The following ZNF426 variants were observed in gnomAD, a reference collection of about 807,000 sequenced individuals.
ZNF426 encodes CTC-543D15.7.
ZNF426 carries 23 observed loss-of-function variants against 24.0 expected under a neutral mutation model. The ratio of observed to expected loss-of-function variants is 0.96; its 90% confidence interval spans 0.69 to 1.36. ZNF426 has a LOEUF of 1.36. Among genes scored for constraint, ZNF426 ranks in the 40% most tolerant of loss-of-function variants. The probability of loss-of-function intolerance (pLI) is 0.00; values close to 1 mark genes in which losing one functional copy is unlikely to be tolerated. For missense variants in ZNF426, 646 were observed against 658.4 expected (o/e 0.98, Z 0.21); for synonymous variants, 272 against 224.6 (o/e 1.21, Z -1.89).
In ZNF426 at chr19:9,529,310, A is replaced by C. The variant is rs775476756; in HGVS notation, c.735T>G (p.Thr245=). ...ATTCGTAGAGTTTTTCTCCATTGTG[A>C]GTTCTCATATGTGCCTGAAGGTATG... ...NESYLQAHMR[T]HNGEKLYEWR... The change falls in exon 8 of 8, where the codon ACT becomes ACG. Residue 245 remains threonine (T), a synonymous_variant. Transcript: ENST00000253115. 4.3e-6 allele frequency: 7 copies of C among 1,614,064 alleles called. No individual in the cohort carries two copies. Among genetic ancestry groups the C allele is most frequent in the Non-Finnish European group, 5.9e-6 (7 of 1,180,006 alleles).
In ZNF426 at chr19:9,528,711, T is replaced by C. The variant is rs147654672; in HGVS notation, c.1334A>G (p.Gln445Arg). The C allele has an allele frequency of 3.1e-6, 5 of 1,614,220 alleles. No homozygotes were observed. The highest frequency in any genetic ancestry group is 4.2e-6 in the Non-Finnish European group (5 of 1,180,036). ...LNNHMRTHSAQKPYTCKECGK... is the reference protein window; with the variant it reads ...LNNHMRTHSARKPYTCKECGK... ...ACATTCCTTACAGGTGTATGGTTTC[T>C]GGGCACTGTGCGTTCGCATGTGATT... is the stretch of plus-strand genomic sequence containing the variant. The change falls in exon 8 of 8, where the codon CAG becomes CGG. Residue 445 changes from glutamine (Q) to arginine (R), a missense_variant. By Grantham distance (43) the Gln-to-Arg change is conservative (BLOSUM62 1). Coordinates refer to ENST00000253115, the MANE Select transcript of ZNF426 (RefSeq NM_024106.3).
chr19:9,528,680 C>T lies in ZNF426; in HGVS notation c.1365G>A (p.Lys455=). Residue 455 remains lysine, a synonymous_variant, in exon 8 of 8, where the codon AAG becomes AAA. Transcript: ENST00000253115. The part of the protein sequence containing the change: ...QKPYTCKECG[K]AFNYSTHLKI... Reference sequence around the variant, plus strand: ...TAAGGTGGGTGGAATAGTTAAAAGCCTTCCCACATTCCTTACAGGTGTATG... The same window carrying T: ...TAAGGTGGGTGGAATAGTTAAAAGCTTTCCCACATTCCTTACAGGTGTATG... The T allele has an allele frequency of 1.2e-6, 2 of 1,613,830 alleles. No individual in the cohort carries two copies. The highest frequency in any genetic ancestry group is 1.1e-5 in the South Asian group (1 of 91,068).
chr19:9,535,714 G>A (rs779179203), intron 3 of ZNF426, among the ~76,000 whole-genome samples: 6 of 151,956 alleles, frequency 3.9e-5, no homozygotes, highest in Non-Finnish European at 8.8e-5. Flanking sequence ...TGTGCCTGCA[G>A]TCCCAGGTAC....
In ZNF426 at chr19:9,528,196, C is replaced by T. The variant is rs1034705906; in HGVS notation, c.*184G>A. The T allele has an allele frequency of 3.0e-5, 18 of 593,340 alleles. No homozygotes were observed. The highest frequency in any genetic ancestry group is 2.8e-4 in the African/African-American group (15 of 53,478). 36.8% of individuals were successfully genotyped at this position (593,340 alleles called of 1,614,324 possible). ...AGAGACAAGGTTTCACCATGTTGGC[C>T]AGGGTGGTCTCAAACTCCTGACCTC... On this transcript the variant is annotated 3_prime_UTR_variant, in exon 8 of 8. Transcript: ENST00000253115.
At chr19:9,534,087 A>C (rs2073928866) in intron 4 of ZNF426, 121 bp from the exon 5 acceptor site, 1 of 1,378,316 alleles carries the variant, frequency 7.3e-7, no homozygotes, top group East Asian at 2.4e-5. Context: ...GACCAGCCCC[A>C]GGTTTTAAGG....
Position 9,528,656 on chromosome 19 carries a change from A to G in ZNF426, c.1389T>C (p.Leu463=). Reference sequence around the variant, plus strand: ...CAGTGTGGATTCGCATGTGAATTTTAAGGTGGGTGGAATAGTTAAAAGCCT... The same window carrying G: ...CAGTGTGGATTCGCATGTGAATTTTGAGGTGGGTGGAATAGTTAAAAGCCT... ...CGKAFNYSTH[L]KIHMRIHTGE... The change falls in exon 8 of 8, where the codon CTT becomes CTC. Residue 463 remains leucine (L), a synonymous_variant. Coordinates refer to ENST00000253115, the MANE Select transcript of ZNF426 (RefSeq NM_024106.3). 1 of 1,614,022 alleles carries G rather than the reference A, an allele frequency of 6.2e-7. No individual in the cohort carries two copies. The highest frequency in any genetic ancestry group is 2.2e-5 in the East Asian group (1 of 44,860).
Position 9,529,268 on chromosome 19 carries a change from T to G in ZNF426, c.777A>C (p.Pro259=). 2 of 1,613,868 alleles carry G rather than the reference T, an allele frequency of 1.2e-6. No individual in the cohort carries two copies. The highest frequency in any genetic ancestry group is 1.7e-6 in the Non-Finnish European group (2 of 1,179,930). The part of the protein sequence containing the change: ...EKLYEWRNYG[P]GFIDSTSLSV... ...AAAGGCTTGTAGAGTCAATAAAACC[T>G]GGCCCATAATTCCTCCATTCGTAGA... The change falls in exon 8 of 8, where the codon CCA becomes CCC. Residue 259 remains proline (P), a synonymous_variant. Coordinates refer to ENST00000253115, the MANE Select transcript of ZNF426 (RefSeq NM_024106.3).
rs2073780752 is a variant in ZNF426 at position 9,525,255 on chromosome 19, A to AATAAAC, written c.*3124_*3125insGTTTAT. The AATAAAC allele has an allele frequency of 7.0e-6, 1 of 143,136 alleles. No individual in the cohort carries two copies. The allele number at this position is 143,136 out of a possible 1,614,324, so 8.9% of individuals were successfully genotyped here. On this transcript the variant is annotated 3_prime_UTR_variant, in exon 8 of 8. Transcript: ENST00000253115. The stretch of plus-strand genomic sequence containing the variant: ...CAGAGCGAGACTCCGTCTCAAAAAA[A>AATAAAC]ATAAAAATAAAAATAAAAATAAAAA...
chr19:9,536,559 T>A (rs536067211), intron 2 of ZNF426: 4 of 332,960 alleles, frequency 1.2e-5, no homozygotes, highest in Middle Eastern at 8.5e-4. Context: ...TAAAAATAAG[T>A]AAACAAACAA....
At position 9,529,234 on chromosome 19, in the gene ZNF426, T is replaced by C. The variant is rs2073843493; in HGVS notation, c.811A>G (p.Ile271Val). 1 of 1,613,896 alleles carries C rather than the reference T, an allele frequency of 6.2e-7. No homozygotes were observed. The highest frequency in any genetic ancestry group is 1.1e-5 in the South Asian group (1 of 91,020). Reference protein sequence around the residue: ...FIDSTSLSVLIETLNAKKPYK... With the variant: ...FIDSTSLSVLVETLNAKKPYK... The stretch of plus-strand genomic sequence containing the variant: ...GGCTTTTTTGCATTGAGGGTTTCTA[T>C]AAGCACAGAAAGGCTTGTAGAGTCA... Residue 271 changes from isoleucine to valine, a missense_variant, in exon 8 of 8, where the codon ATA becomes GTA. Coordinates refer to ENST00000253115, the MANE Select transcript of ZNF426 (RefSeq NM_024106.3).
chr19:9,529,202 T>C lies in ZNF426; in HGVS notation c.843A>G (p.Lys281=). ...TATAGCCTTTTCCACATTCCTTACATTTGTAGGGCTTTTTTGCATTGAGGG... is the reference window on the plus strand; with the variant it reads ...TATAGCCTTTTCCACATTCCTTACACTTGTAGGGCTTTTTTGCATTGAGGG... ...IETLNAKKPY[K]CKECGKGYRY... Residue 281 remains lysine, a synonymous_variant, in exon 8 of 8, where the codon AAA becomes AAG. Coordinates refer to ENST00000253115, the MANE Select transcript of ZNF426 (RefSeq NM_024106.3). 2 of 1,614,144 alleles carry C rather than the reference T, an allele frequency of 1.2e-6. No individual in the cohort carries two copies. Among genetic ancestry groups the C allele is most frequent in the Middle Eastern group, 3.3e-4 (2 of 6,062 alleles).
intron 7 of ZNF426, among the ~76,000 whole-genome samples, chr19:9,529,918 C>G (rs538800791): frequency 1.3e-5 from 2 of 151,948 alleles, no homozygotes; most frequent in African/African-American, 4.8e-5. Flanking sequence ...GTCAGGAGTT[C>G]AAGACCAGCA....
chr19:9,530,959 T>G, intron 7 of ZNF426, 26 bp downstream of exon 7: 1 of 1,579,182 alleles, frequency 6.3e-7, no homozygotes, highest in African/African-American at 1.3e-5. Context: ...GGGTGGAAAA[T>G]AAAAAATATC....
intron 3 of ZNF426, among the ~76,000 whole-genome samples, chr19:9,535,590 T>G (rs915779127): frequency 1.3e-5 from 2 of 152,118 alleles, no homozygotes; most frequent in Non-Finnish European, 2.9e-5. Context: ...TTGGGGAAGC[T>G]GAGGCAAGAA....
Position 9,528,285 on chromosome 19 carries a change from C to T in ZNF426, c.*95G>A. 1.6e-6 allele frequency: 2 copies of T among 1,283,072 alleles called. No individual in the cohort carries two copies. Among genetic ancestry groups the T allele is most frequent in the South Asian group, 3.0e-5 (2 of 66,350 alleles). The allele number at this position is 1,283,072 out of a possible 1,614,324, so 79.5% of individuals were successfully genotyped here. ...TTACAGGAATTAAGTAATTTTCATG[C>T]AGCTTCTTCTCTCCAGAGTGAGTTC... On this transcript the variant is annotated 3_prime_UTR_variant, in exon 8 of 8. Transcript: ENST00000253115.
rs549129493 is a variant in ZNF426 at position 9,531,745 on chromosome 19, G to A, written c.326-678C>T. On this transcript the variant is annotated intron_variant, in intron 6 of 7. Coordinates refer to ENST00000253115, the MANE Select transcript of ZNF426 (RefSeq NM_024106.3). ...CATGCCTTTAATCCCAGCACTTTGG[G>A]AGGCCGAGGCAGGCAGATCACGAGG... Among the ~76,000 whole-genome samples the A allele has an allele frequency of 1.4e-4, 22 of 152,308 alleles. No individual in the cohort carries two copies. The South Asian group carries it at 4.6e-3, about 32-fold the overall frequency.
Position 9,530,973 on chromosome 19 carries a change from T to A in ZNF426, c.408+12A>T. ...AGGGTGGAAAATAAAAAATATCCTA[T>A]GCAAATCTTACCAATTGTATCCCAA... On this transcript the variant is annotated intron_variant, in intron 7 of 7. Coordinates refer to ENST00000253115, the MANE Select transcript of ZNF426 (RefSeq NM_024106.3). 1 of 1,603,746 alleles carries A rather than the reference T, an allele frequency of 6.2e-7. No individual in the cohort carries two copies. The highest frequency in any genetic ancestry group is 1.3e-5 in the African/African-American group (1 of 74,846).
chr19:9,526,535 T>C lies in ZNF426; in HGVS notation c.*1845A>G, dbSNP rs918564072. 1 of 151,826 alleles carries C rather than the reference T, an allele frequency of 6.6e-6. No individual in the cohort carries two copies. Among genetic ancestry groups the C allele is most frequent in the Non-Finnish European group, 1.5e-5 (1 of 67,968 alleles). The allele number at this position is 151,826 out of a possible 1,614,324, so 9.4% of individuals were successfully genotyped here. On this transcript the variant is annotated 3_prime_UTR_variant, in exon 8 of 8. Transcript: ENST00000253115. ...CCAAGAAACAGCCAACTAAAGAGCT[T>C]GAGAATATATCAGCAGAAACATCCA...
At chr19:9,533,421 A>G (rs1599716051) in intron 5 of ZNF426, among the ~76,000 whole-genome samples, 1 of 152,234 alleles carries the variant, frequency 6.6e-6, no homozygotes, top group Non-Finnish European at 1.5e-5. Context: ...ATGCCAGTGC[A>G]CTCCAGCCTG....
Sources: allele counts gnomAD v4.1 joint callset (sites outside exome capture counted in the v4.1 genomes callset), GRCh38; gene constraint gnomAD v4.1.1; transcripts MANE v1.5; gene names NCBI Gene and HGNC (gene_info 2026-07-23, HGNC 2026-07-21).